Variants in CACTIN observed in about 807,000 individuals in gnomAD.
CACTIN encodes the protein cactin, spliceosome C complex subunit.
A neutral mutation model predicts 84.9 loss-of-function variants in CACTIN; 20 were observed. The observed-to-expected ratio is 0.24, with a 90% CI of 0.17 to 0.34. The LOEUF (loss-of-function observed/expected upper bound fraction) is 0.34, where lower values mean the gene tolerates loss of function less well. CACTIN is among the 10% of genes least tolerant of loss of function. The probability of loss-of-function intolerance (pLI) is 1.00; values close to 1 mark genes in which losing one functional copy is unlikely to be tolerated. For missense variants in CACTIN, 897 were observed against 1,117.2 expected (o/e 0.80, Z 2.81); for synonymous variants, 549 against 467.9 (o/e 1.17, Z -2.24).
In CACTIN at chr19:3,612,064, C is replaced by G; in HGVS notation, c.2136G>C (p.Ala712=). The part of the protein sequence containing the change: ...NKDFAILRFH[A]GPPYEDIAFK... ...AAGCGATGTCCTCGTAGGGCGGCCCCGCGTGGAAGCGCAGGATGGCGAAAT... is the reference window on the plus strand; with the variant it reads ...AAGCGATGTCCTCGTAGGGCGGCCCGGCGTGGAAGCGCAGGATGGCGAAAT... Residue 712 remains alanine (A), a synonymous_variant, in exon 10 of 10, where the codon GCG becomes GCC. Transcript: ENST00000429344. 1.2e-6 allele frequency: 2 copies of G among 1,613,892 alleles called. No individual in the cohort carries two copies. Among genetic ancestry groups the G allele is most frequent in the Non-Finnish European group, 1.7e-6 (2 of 1,179,904 alleles).
chr19:3,623,041 G>T (rs1599894651), intron 2 of CACTIN, among the ~76,000 whole-genome samples: 1 of 152,168 alleles, frequency 6.6e-6, no homozygotes, highest in East Asian at 1.9e-4. Flanking sequence ...TTCGAGACCA[G>T]CCTGGCCAAC....
chr19:3,613,378 A>C lies in CACTIN; in HGVS notation c.1479-13T>G, dbSNP rs760381045. 14 of 1,525,690 alleles carry C rather than the reference A, an allele frequency of 9.2e-6. No homozygotes were observed. Among genetic ancestry groups the C allele is most frequent in the African/African-American group, 1.4e-5 (1 of 72,330 alleles). 94.5% of individuals were successfully genotyped at this position (1,525,690 alleles called of 1,614,324 possible). A position where few individuals can be genotyped will look rare whatever the true frequency, so the allele number is the denominator to read the frequency against. The stretch of plus-strand genomic sequence containing the variant: ...CTCAGGCTCCAGGCTGGGAGGAGAG[A>C]GCGTTGGAGGCGCGGAGGCTGCCCA... On this transcript the variant is annotated splice_polypyrimidine_tract_variant and intron_variant, in intron 8 of 9. Transcript: ENST00000429344.
At position 3,624,112 on chromosome 19, in the gene CACTIN, C is replaced by T. The variant is rs765717577; in HGVS notation, c.218G>A (p.Ser73Asn). 7 of 1,586,892 alleles carry T rather than the reference C, an allele frequency of 4.4e-6. No homozygotes were observed. The highest frequency in any genetic ancestry group is 6.0e-6 in the Non-Finnish European group (7 of 1,170,332). The change falls in exon 2 of 10, where the codon AGC becomes AAC. Residue 73 changes from serine to asparagine, a missense_variant. This residue lies in a region of CACTIN where 261 missense variants were observed against 243.8 expected (regional missense o/e 1.07). Coordinates refer to ENST00000429344, the MANE Select transcript of CACTIN (RefSeq NM_001080543.2). ...TGAGTGCCACTTGGGCCGCGGGGGGCTCCGGCTTCGCATCCCTGAGCGCTG... is the reference window on the plus strand; with the variant it reads ...TGAGTGCCACTTGGGCCGCGGGGGGTTCCGGCTTCGCATCCCTGAGCGCTG... The part of the protein sequence containing the change: ...RWQRSGMRSR[S>N]PPRPKWHSRD...
chr19:3,621,143 C>G (rs1376270290), intron 2 of CACTIN: 1 of 425,034 alleles, frequency 2.4e-6, no homozygotes, highest in Non-Finnish European at 4.4e-6. Context: ...TGCTCGGGGC[C>G]TGCTGACTCG....
At position 3,613,588 on chromosome 19, in the gene CACTIN, TG is replaced by T; in HGVS notation, c.1356-3del. On this transcript the variant is annotated splice_polypyrimidine_tract_variant and splice_region_variant and intron_variant, in intron 7 of 9. Transcript: ENST00000429344. Reference sequence around the variant, plus strand: ...ACGTCCTGGTGGCGCTCACGCAGCCTGGGACGCAGAGCCGGGGTCACCCGCA... The same window carrying T: ...ACGTCCTGGTGGCGCTCACGCAGCCTGGACGCAGAGCCGGGGTCACCCGCA... 6.3e-7 allele frequency: 1 copy of T among 1,599,604 alleles called. No homozygotes were observed.
At chr19:3,620,522 C>A in intron 3 of CACTIN, 185 bp downstream of exon 3, 1 of 660,628 alleles carries the variant, frequency 1.5e-6, no homozygotes, top group Non-Finnish European at 2.6e-6. Flanking sequence ...AGGCCCGAGG[C>A]CAGCAGAGCC....
chr19:3,620,510 G>T, intron 3 of CACTIN, 197 bp downstream of exon 3: 1 of 665,646 alleles, frequency 1.5e-6, no homozygotes. Context: ...ATGTGGGAGT[G>T]AAGGCCCGAG....
At position 3,613,272 on chromosome 19, in the gene CACTIN, C is replaced by T. The variant is rs1345708650; in HGVS notation, c.1572G>A (p.Glu524=). ...EAEVDGATPT[E]GDGDGDGEGE... ...CCTCACCGTCCCCGTCGCCGTCGCC[C>T]TCTGTCGGGGTCGCGCCGTCCACCT... Residue 524 remains glutamate (E), a synonymous_variant, in exon 9 of 10, where the codon GAG becomes GAA. Coordinates refer to ENST00000429344, the MANE Select transcript of CACTIN (RefSeq NM_001080543.2). 6.2e-7 allele frequency: 1 copy of T among 1,607,616 alleles called. No homozygotes were observed. Among genetic ancestry groups the T allele is most frequent in the Admixed American group, 1.7e-5 (1 of 59,908 alleles).
intron 6 of CACTIN, among the ~76,000 whole-genome samples, chr19:3,617,404 G>A (rs1457147986): frequency 6.6e-6 from 1 of 152,254 alleles, no homozygotes; most frequent in African/African-American, 2.4e-5. Context: ...AAACCATGTT[G>A]AAAGGAGAAT....
rs371224074 is a variant in CACTIN at position 3,623,830 on chromosome 19, C to T, written c.500G>A (p.Arg167His). 1.2e-6 allele frequency: 2 copies of T among 1,612,978 alleles called. No homozygotes were observed. The highest frequency in any genetic ancestry group is 1.7e-6 in the Non-Finnish European group (2 of 1,179,890). Residue 167 changes from arginine (R) to histidine (H), a missense_variant, in exon 2 of 10, where the codon CGC (arginine) becomes CAC (histidine). Coordinates refer to ENST00000429344, the MANE Select transcript of CACTIN (RefSeq NM_001080543.2). ...CTCCTTCTTGGCCAGCCGCCGTGCG[C>T]GCTTCTCCTCGGGCGTCTCGAAGGC... ...MKAFETPEEK[R>H]ARRLAKKEAK...
intron 1 of CACTIN, among the ~76,000 whole-genome samples, chr19:3,625,495 C>T (rs2033315014): frequency 6.6e-6 from 1 of 152,090 alleles, no homozygotes; most frequent in South Asian, 2.1e-4. Context: ...TTTGGGAGGC[C>T]GAGGCGGGCA....
chr19:3,613,952 C>T, intron 7 of CACTIN: 1 of 415,996 alleles, frequency 2.4e-6, no homozygotes, highest in Non-Finnish European at 4.4e-6. Context: ...CATGTATTTA[C>T]ACAGCGGTGC....
chr19:3,614,638 C>T lies in CACTIN; in HGVS notation c.1163-49G>A, dbSNP rs184404926. 3.9e-5 allele frequency: 58 copies of T among 1,482,382 alleles called. No homozygotes were observed. The African/African-American group carries it at 6.5e-4, about 17-fold the overall frequency. The allele number at this position is 1,482,382 out of a possible 1,614,324, so 91.8% of individuals were successfully genotyped here. A position where few individuals can be genotyped will look rare whatever the true frequency, so the allele number is the denominator to read the frequency against. On this transcript the variant is annotated intron_variant, in intron 6 of 9. Transcript: ENST00000429344. Reference sequence around the variant, plus strand: ...GGGGCGGTTCCACATTTCCTACGTGCTCCTCCACCCCATCAGGGCCTCCTC... The same window carrying T: ...GGGGCGGTTCCACATTTCCTACGTGTTCCTCCACCCCATCAGGGCCTCCTC...
Position 3,618,975 on chromosome 19 carries a change from C to T in CACTIN, c.1062G>A (p.Leu354=), listed in dbSNP as rs567474552. 1.3e-6 allele frequency: 2 copies of T among 1,554,910 alleles called. No individual in the cohort carries two copies. Among genetic ancestry groups the T allele is most frequent in the African/African-American group, 1.4e-5 (1 of 73,358 alleles). Reference sequence around the variant, plus strand: ...AGAAGTCGGCGTTCTTGCCCTGCTCCAGCTCCATGTAGACCTGGGGGCAGG... The same window carrying T: ...AGAAGTCGGCGTTCTTGCCCTGCTCTAGCTCCATGTAGACCTGGGGGCAGG... ...LLEDIQVYME[L]EQGKNADFWR... The change falls in exon 6 of 10, where the codon CTG becomes CTA. Residue 354 remains leucine, a synonymous_variant. Coordinates refer to ENST00000429344, the MANE Select transcript of CACTIN (RefSeq NM_001080543.2).
At chr19:3,622,430 G>A (rs1415615007) in intron 2 of CACTIN, among the ~76,000 whole-genome samples, 2 of 151,962 alleles carry the variant, frequency 1.3e-5, no homozygotes, top group Non-Finnish European at 1.5e-5. Context: ...CATCCTGGAG[G>A]TGGCGGGCCC....
intron 9 of CACTIN, 142 bp downstream of exon 9, chr19:3,612,916 T>G (rs6510763): frequency 3.9e-6 from 4 of 1,033,274 alleles, no homozygotes; most frequent in East Asian, 2.6e-5. Flanking sequence ...GGTGACGGAA[T>G]GCACGCTCAG....
intron 6 of CACTIN, among the ~76,000 whole-genome samples, chr19:3,616,869 A>G (rs1287701159): frequency 6.6e-6 from 1 of 152,004 alleles, no homozygotes; most frequent in Non-Finnish European, 1.5e-5. Flanking sequence ...CACTTCTGTA[A>G]TCCCAGCACT....
intron 5 of CACTIN, 37 bp from the exon 6 acceptor site, chr19:3,619,026 G>T: frequency 6.5e-7 from 1 of 1,549,808 alleles, no homozygotes; most frequent in Non-Finnish European, 8.7e-7. Context: ...CACGGGTGTG[G>T]CTGGGGTGGG....
chr19:3,613,422 CCGCGTCTG>C, intron 8 of CACTIN, 34 bp downstream of exon 8: 1 of 1,546,918 alleles, frequency 6.5e-7, no homozygotes, highest in Non-Finnish European at 8.7e-7. Flanking sequence ...CCATCCTGCT[CCGCGTCTG>C]CATCGGCGTC....
Sources: gnomAD v4.1 joint callset for allele counts (sites outside exome capture counted in the v4.1 genomes callset) on GRCh38, gnomAD v4.1.1 for gene constraint, gnomAD v4.1.1 regional missense constraint, MANE v1.5 for transcripts, NCBI Gene and HGNC (gene_info 2026-07-23, HGNC 2026-07-21) for gene names.